PDIA5: variants seen among roughly 807,000 people sequenced by gnomAD.
The protein encoded by PDIA5 is protein disulfide-isomerase A5.
PDIA5 carries 58 observed loss-of-function variants against 77.6 expected under a neutral mutation model. That is an observed-to-expected ratio of 0.75 (90% CI 0.61 to 0.93). The LOEUF is 0.93. Among genes scored for constraint, PDIA5 ranks in the 40% least tolerant of loss-of-function variants. The pLI is 0.00. For synonymous variants in PDIA5, 250 were observed against 252.1 expected (o/e 0.99, Z 0.08); for missense variants, 630 against 647.7 (o/e 0.97, Z 0.30).
At chr3:123,136,873 A>G (rs1377895054) in intron 11 of PDIA5, among the ~76,000 whole-genome samples, 6 of 152,138 alleles carry the variant, frequency 3.9e-5, no homozygotes, top group Non-Finnish European at 8.8e-5. Context: ...AAATGTAGAT[A>G]TTGGCACATA....
intron 3 of PDIA5, among the ~76,000 whole-genome samples, chr3:123,097,815 G>A (rs145533930): frequency 1.0e-3 from 157 of 152,296 alleles, no homozygotes; most frequent in African/African-American, 3.7e-3. Context: ...ACCAGGGCTG[G>A]TGGGAGGAAG....
At position 123,146,123 on chromosome 3, in the gene PDIA5, G is replaced by A. The variant is rs1199804575; in HGVS notation, c.1006G>A (p.Asp336Asn). The A allele has an allele frequency of 1.2e-6, 2 of 1,614,132 alleles. No individual in the cohort carries two copies. Among genetic ancestry groups the A allele is most frequent in the African/African-American group, 1.3e-5 (1 of 75,030 alleles). Reference protein sequence around the residue: ...ADSSGVLAAVDATVNKALAER... With the variant: ...ADSSGVLAAVNATVNKALAER... The stretch of plus-strand genomic sequence containing the variant: ...GAGCTCTGGTGTCCTTGCAGCTGTC[G>A]ATGCCACTGTCAACAAGGCCCTGGC... Residue 336 changes from aspartate to asparagine, a missense_variant, in exon 13 of 17, where the codon GAT becomes AAT. Asp to Asn is a conservative substitution (Grantham distance 23, BLOSUM62 1). Transcript: ENST00000316218.
rs551053479 is a variant in PDIA5 at position 123,130,504 on chromosome 3, C to T, written c.798C>T (p.Val266=). ...LKNPQPPQPQ[V]PETPWADEGG... Reference sequence around the variant, plus strand: ...GTCCGCAGCCGCCACAGCCCCAGGTCCCTGAGACTCCCTGGGCAGATGAGG... The same window carrying T: ...GTCCGCAGCCGCCACAGCCCCAGGTTCCTGAGACTCCCTGGGCAGATGAGG... Residue 266 remains valine, a synonymous_variant, in exon 11 of 17, where the codon GTC becomes GTT. Transcript: ENST00000316218. The T allele has an allele frequency of 6.2e-7, 1 of 1,614,020 alleles. No homozygotes were observed. The highest frequency in any genetic ancestry group is 1.3e-5 in the African/African-American group (1 of 75,058).
intron 1 of PDIA5, among the ~76,000 whole-genome samples, chr3:123,073,648 G>A (rs754806826): frequency 1.3e-5 from 2 of 152,212 alleles, no homozygotes; most frequent in Non-Finnish European, 2.9e-5. Context: ...GGTTAAAAGA[G>A]CCTTTATTCC....
Position 123,146,128 on chromosome 3 carries a change from C to T in PDIA5, c.1011C>T (p.Ala337=), listed in dbSNP as rs1298008700. The T allele has an allele frequency of 1.2e-6, 2 of 1,614,192 alleles. No homozygotes were observed. The highest frequency in any genetic ancestry group is 1.6e-4 in the Middle Eastern group (1 of 6,062). Residue 337 remains alanine, a synonymous_variant, in exon 13 of 17, where the codon GCC becomes GCT. Coordinates refer to ENST00000316218, the MANE Select transcript of PDIA5 (RefSeq NM_006810.4). ...DSSGVLAAVD[A]TVNKALAERF... The stretch of plus-strand genomic sequence containing the variant: ...CTGGTGTCCTTGCAGCTGTCGATGC[C>T]ACTGTCAACAAGGCCCTGGCAGAAA...
chr3:123,114,477 G>A (rs370556001), intron 7 of PDIA5, among the ~76,000 whole-genome samples: 7 of 152,182 alleles, frequency 4.6e-5, no homozygotes, highest in South Asian at 4.1e-4. Flanking sequence ...TAGGGAAGCC[G>A]AGGCTTGGAG....
At chr3:123,116,111 A>C in intron 7 of PDIA5, 120 bp from the exon 8 acceptor site, 2 of 813,834 alleles carry the variant, frequency 2.5e-6, no homozygotes, top group Non-Finnish European at 4.3e-6. Flanking sequence ...AATAGTCCTG[A>C]GCTTCTCAAG....
At chr3:123,092,505 G>T in intron 3 of PDIA5, 63 bp downstream of exon 3, 3 of 1,135,382 alleles carry the variant, frequency 2.6e-6, no homozygotes, top group South Asian at 1.2e-5. Flanking sequence ...GGCTTTGATT[G>T]GTGGGGACAG....
intron 11 of PDIA5, among the ~76,000 whole-genome samples, chr3:123,141,605 G>A (rs1444137680): frequency 1.3e-5 from 2 of 152,240 alleles, no homozygotes; most frequent in Non-Finnish European, 2.9e-5. Flanking sequence ...CTGAAAGCAG[G>A]AGAGTGGGGG....
rs185668630 is a variant in PDIA5, at chr3:123,120,783, C to G, written c.610-3283C>G. 3.5e-4 allele frequency among the ~76,000 whole-genome samples: 53 copies of G among 152,240 alleles called. No individual in the cohort carries two copies. The East Asian group carries it at 8.5e-3, about 24-fold the overall frequency. ...TTGCATTAAGTCCTTTCCCCAGGGG[C>G]CAGGCTCTTTCCCCACCCCCCACCT... On this transcript the variant is annotated intron_variant, in intron 8 of 16. Coordinates refer to ENST00000316218, the MANE Select transcript of PDIA5 (RefSeq NM_006810.4).
chr3:123,151,358 T>C (rs1449547575), intron 14 of PDIA5, among the ~76,000 whole-genome samples: 2 of 152,206 alleles, frequency 1.3e-5, no homozygotes, highest in Non-Finnish European at 2.9e-5. Context: ...CCTCTGGCAT[T>C]AGGGGGTGGA....
intron 10 of PDIA5, among the ~76,000 whole-genome samples, chr3:123,127,965 G>A (rs1935282438): frequency 6.6e-6 from 1 of 152,182 alleles, no homozygotes; most frequent in Non-Finnish European, 1.5e-5. Flanking sequence ...TCACGGCCTG[G>A]GGTAGGCGGG....
intron 6 of PDIA5, among the ~76,000 whole-genome samples, chr3:123,109,702 A>G (rs1288555224): frequency 6.6e-6 from 1 of 152,200 alleles, no homozygotes; most frequent in Non-Finnish European, 1.5e-5. Flanking sequence ...AGAAAAAAAA[A>G]ATCACCTCAT....
At chr3:123,131,779 T>C (rs919285616) in intron 11 of PDIA5, among the ~76,000 whole-genome samples, 2 of 151,504 alleles carry the variant, frequency 1.3e-5, no homozygotes, top group African/African-American at 4.9e-5. Context: ...GAGTGGAAAA[T>C]TGACCATAGG....
intron 8 of PDIA5, among the ~76,000 whole-genome samples, chr3:123,117,297 C>G (rs1468335531): frequency 2.7e-5 from 4 of 149,228 alleles, no homozygotes; most frequent in Non-Finnish European, 5.9e-5. Flanking sequence ...ATTCTGTACC[C>G]ACTAAATATG....
chr3:123,146,343 A>G, intron 13 of PDIA5, 84 bp downstream of exon 13: 1 of 1,157,320 alleles, frequency 8.6e-7, no homozygotes, highest in East Asian at 2.3e-5. Context: ...AGTAAACTTT[A>G]TGGTCAATGT....
intron 11 of PDIA5, among the ~76,000 whole-genome samples, chr3:123,133,780 CA>C (rs767212883): frequency 1.7e-4 from 26 of 152,272 alleles, no homozygotes; most frequent in Admixed American, 6.5e-4. Flanking sequence ...TGAAGTACCC[CA>C]ACAAACCGAA....
At chr3:123,084,449 C>A (rs1347920043) in intron 1 of PDIA5, among the ~76,000 whole-genome samples, 1 of 151,996 alleles carries the variant, frequency 6.6e-6, no homozygotes, top group Non-Finnish European at 1.5e-5. Flanking sequence ...GTGGACGCAG[C>A]CCTCCCCACC....
Position 123,100,380 on chromosome 3 carries a change from C to T in PDIA5, c.258-2031C>T, listed in dbSNP as rs547948759. Among the ~76,000 whole-genome samples the T allele has an allele frequency of 7.2e-5, 11 of 152,358 alleles. No individual in the cohort carries two copies. The East Asian group carries it at 7.7e-4, about 11-fold the overall frequency. ...GGCTTAAGGATAAGAAAGTTTTCAG[C>T]GGGTGCCCTGGGCTGCCTTCTCCAT... is the stretch of plus-strand genomic sequence containing the variant. On this transcript the variant is annotated intron_variant, in intron 3 of 16. Transcript: ENST00000316218.
Sources: allele counts gnomAD v4.1 joint callset (sites outside exome capture counted in the v4.1 genomes callset), GRCh38; gene constraint gnomAD v4.1.1; transcripts MANE v1.5; gene names NCBI Gene and HGNC (gene_info 2026-07-23, HGNC 2026-07-21).